LAMB4: variants seen among roughly 807,000 people sequenced by gnomAD.
LAMB4 encodes laminin subunit beta-4.
LAMB4 carries 196 observed loss-of-function variants against 199.2 expected under a neutral mutation model. The observed-to-expected ratio is 0.98, with a 90% CI of 0.88 to 1.11. The LOEUF (loss-of-function observed/expected upper bound fraction) is 1.11. Ranked by LOEUF, LAMB4 falls within the 50% of genes least tolerant of loss-of-function variation. The pLI is 0.00. For synonymous variants in LAMB4, 744 were observed against 770.6 expected, an observed-to-expected ratio of 0.97 and a Z score of 0.57; for missense variants, 2,080 against 2,171.2, an observed-to-expected ratio of 0.96 and a Z score of 0.83.
Position 108,055,702 on chromosome 7 carries a change from T to C in LAMB4, c.3685A>G (p.Arg1229Gly), listed in dbSNP as rs574098651. 32 of 1,614,184 alleles carry C rather than the reference T, an allele frequency of 2.0e-5. No homozygotes were observed. The Admixed American group carries it at 4.8e-4, about 24-fold the overall frequency. ...GGGAAAACAGGATGTTTCAAAATCC[T>C]TTCTATTTCAGACACGTTCCCTCTG... ...DLRGNVSEIE[R>G]ILKHPVFPSG... Residue 1229 changes from arginine (R) to glycine (G), a missense_variant, in exon 25 of 34, where the codon AGG becomes GGG. Arg to Gly is a moderately radical substitution (Grantham distance 125). Coordinates refer to ENST00000388781, the MANE Select transcript of LAMB4 (RefSeq NM_007356.3).
rs1584740762 is a variant in LAMB4, at chr7:108,095,225, T to C, written c.1470+3A>G. 3.1e-6 allele frequency: 5 copies of C among 1,604,448 alleles called. No individual in the cohort carries two copies. The highest frequency in any genetic ancestry group is 2.6e-6 in the Non-Finnish European group (3 of 1,171,450). ...AAAAGGGAAACTATAGGCAAATACATACAGTGCATTCTTCGCAGTGTGCTC... is the reference window on the plus strand; with the variant it reads ...AAAAGGGAAACTATAGGCAAATACACACAGTGCATTCTTCGCAGTGTGCTC... On this transcript the variant is annotated splice_donor_region_variant and intron_variant, in intron 12 of 33. Transcript: ENST00000388781.
Position 108,066,510 on chromosome 7 carries a change from C to T in LAMB4, c.2537G>A (p.Arg846His), listed in dbSNP as rs371953336. 3.6e-5 allele frequency: 58 copies of T among 1,614,008 alleles called. No homozygotes were observed. Among genetic ancestry groups the T allele is most frequent in the African/African-American group, 1.2e-4 (9 of 75,046 alleles). ...GTAGCCTGCCAGGCAGCGATCACAG[C>T]GGCGGCCAGACACCTCTCCATGGCA... Reference protein sequence around the residue: ...CPCHGEVSGRRCDRCLAGYFG... With the variant: ...CPCHGEVSGRHCDRCLAGYFG... The change falls in exon 20 of 34, where the codon CGC (arginine) becomes CAC (histidine). Residue 846 changes from arginine (R) to histidine (H), a missense_variant. Physicochemically the swap from Arg to His is conservative, Grantham distance 29 (BLOSUM62 0). Transcript: ENST00000388781.
chr7:108,055,187 G>GTT lies in LAMB4; in HGVS notation c.3755+443_3755+444dup, dbSNP rs371917253. ...AAGTAGACATACATGATTTCCAGCT[G>GTT]TTTTTTTTTTTTTTTTGAGACAGAG... On this transcript the variant is annotated intron_variant, in intron 25 of 33. Coordinates refer to ENST00000388781, the MANE Select transcript of LAMB4 (RefSeq NM_007356.3). 9.6e-3 allele frequency among the ~76,000 whole-genome samples: 1,327 copies of GTT among 138,514 alleles called. 8 individuals carry two copies. The highest frequency in any genetic ancestry group is 0.015 in the Non-Finnish European group (959 of 62,620). 90.9% of individuals were successfully genotyped at this position (138,514 alleles called of 152,430 possible). A position where few individuals can be genotyped will look rare whatever the true frequency, so the allele number is the denominator to read the frequency against.
At chr7:108,097,152 G>A (rs900015936) in intron 11 of LAMB4, among the ~76,000 whole-genome samples, 4 of 152,076 alleles carry the variant, frequency 2.6e-5, no homozygotes, top group Admixed American at 6.6e-5. Context: ...TAAGAAGAGC[G>A]TTTTATTACA....
chr7:108,039,709 TC>T (rs1462352754), intron 29 of LAMB4, among the ~76,000 whole-genome samples: 2 of 152,152 alleles, frequency 1.3e-5, no homozygotes, highest in Non-Finnish European at 2.9e-5. Flanking sequence ...ACTCATGTGA[TC>T]CGCCTGCCTC....
chr7:108,106,432 A>AT, intron 7 of LAMB4, 77 bp downstream of exon 7: 1 of 858,878 alleles, frequency 1.2e-6, no homozygotes, highest in Non-Finnish European at 1.9e-6. Flanking sequence ...AAAAAAAAAA[A>AT]GAAAAGCAAT....
At chr7:108,078,651 A>T (rs1192442162) in intron 15 of LAMB4, among the ~76,000 whole-genome samples, 2 of 152,204 alleles carry the variant, frequency 1.3e-5, no homozygotes, top group Non-Finnish European at 2.9e-5. Flanking sequence ...AAATAATAAT[A>T]ATTTGGAATC....
intron 8 of LAMB4, among the ~76,000 whole-genome samples, chr7:108,105,245 C>T (rs2037960038): frequency 1.3e-5 from 2 of 152,142 alleles, no homozygotes; most frequent in Admixed American, 1.3e-4. Context: ...AGGCTAGTCC[C>T]CCAAGATGAG....
At chr7:108,105,704 A>C in intron 8 of LAMB4, 113 bp downstream of exon 8, 1 of 909,610 alleles carries the variant, frequency 1.1e-6, no homozygotes, top group South Asian at 1.5e-5. Context: ...TCTCAGCATA[A>C]AACTGGCACT....
At chr7:108,032,865 G>A (rs1276154913) in intron 31 of LAMB4, among the ~76,000 whole-genome samples, 1 of 152,182 alleles carries the variant, frequency 6.6e-6, no homozygotes, top group Non-Finnish European at 1.5e-5. Context: ...AAGCTTGAAT[G>A]CTCCAGGGAT....
intron 10 of LAMB4, among the ~76,000 whole-genome samples, chr7:108,099,500 T>A (rs1275426465): frequency 6.6e-6 from 1 of 152,186 alleles, no homozygotes; most frequent in Non-Finnish European, 1.5e-5. Context: ...GAACCCCTCA[T>A]CATCGGAGGT....
chr7:108,107,593 T>G (rs780340399), intron 6 of LAMB4, 38 bp downstream of exon 6: 2 of 1,469,918 alleles, frequency 1.4e-6, no homozygotes, highest in Admixed American at 4.6e-5. Flanking sequence ...TTTAAAAGTT[T>G]AATTTATACA....
In LAMB4 at chr7:108,103,041, C is replaced by T. The variant is rs183507230; in HGVS notation, c.1180+3G>A. 1.7e-5 allele frequency: 26 copies of T among 1,572,628 alleles called. No individual in the cohort carries two copies. In the African/African-American group the frequency reaches 3.5e-4, roughly 21 times the overall value. On this transcript the variant is annotated splice_donor_region_variant and intron_variant, in intron 10 of 33. Transcript: ENST00000388781. ...TAGGATCCAGGCAGACCCGGGGACT[C>T]ACGAATGCACGCGTAGGGATCTGAG... is the stretch of plus-strand genomic sequence containing the variant.
intron 12 of LAMB4, among the ~76,000 whole-genome samples, chr7:108,094,306 T>C (rs1308515994): frequency 1.3e-5 from 2 of 152,226 alleles, no homozygotes; most frequent in African/African-American, 4.8e-5. Flanking sequence ...TTTTTTGTGT[T>C]ACACACTTAT....
At chr7:108,032,235 C>G (rs559938037) in intron 31 of LAMB4, among the ~76,000 whole-genome samples, 1 of 152,044 alleles carries the variant, frequency 6.6e-6, no homozygotes, top group South Asian at 2.1e-4. Flanking sequence ...TCTAAAATTA[C>G]AAAAATTAGC....
In LAMB4 at chr7:108,047,945, C is replaced by T. The variant is rs1293472494; in HGVS notation, c.4289G>A (p.Arg1430His). ...CCCACGAACCTGTTTGTCCAAATTA[C>T]GAATAATGGATTTTGCTTCCTGGGC... is the stretch of plus-strand genomic sequence containing the variant. Reference protein sequence around the residue: ...QKAQEAKSIIRNLDKQVRGLK... With the variant: ...QKAQEAKSIIHNLDKQVRGLK... Residue 1430 changes from arginine to histidine, a missense_variant, in exon 28 of 34, where the codon CGT (arginine) becomes CAT (histidine). Arg to His is a conservative substitution (Grantham distance 29). Transcript: ENST00000388781. The T allele has an allele frequency of 3.1e-6, 5 of 1,613,992 alleles. No individual in the cohort carries two copies. The highest frequency in any genetic ancestry group is 2.2e-5 in the East Asian group (1 of 44,894).
intron 10 of LAMB4, among the ~76,000 whole-genome samples, chr7:108,101,760 T>A (rs967816732): frequency 6.6e-6 from 1 of 152,174 alleles, no homozygotes; most frequent in African/African-American, 2.4e-5. Flanking sequence ...AAGCAGCAAG[T>A]GTTAGCCCTG....
At chr7:108,034,440 T>C in intron 30 of LAMB4, 94 bp from the exon 31 acceptor site, 2 of 932,454 alleles carry the variant, frequency 2.1e-6, no homozygotes, top group Admixed American at 4.5e-5. Context: ...CCAAATACTT[T>C]ACTGAATTAT....
At chr7:108,107,511 CA>C in intron 6 of LAMB4, 119 bp downstream of exon 6, 1 of 734,388 alleles carries the variant, frequency 1.4e-6, no homozygotes, top group Non-Finnish European at 2.2e-6. Flanking sequence ...CTTTCATTTT[CA>C]AAAAAGCAAC....
Sources: allele counts gnomAD v4.1 joint callset (sites outside exome capture counted in the v4.1 genomes callset), GRCh38; gene constraint gnomAD v4.1.1; transcripts MANE v1.5; gene names NCBI Gene and HGNC (gene_info 2026-07-23, HGNC 2026-07-21).